Variants in CDIN1 observed in about 807,000 individuals in gnomAD.
CDIN1 encodes the protein CDAN1-interacting nuclease 1.
Under a neutral mutation model 45.3 loss-of-function variants are expected in CDIN1, and 33 were observed. The observed-to-expected ratio is 0.73, with a 90% CI of 0.55 to 0.97. The LOEUF is 0.97. Ranked by LOEUF, CDIN1 falls within the 50% of genes least tolerant of loss-of-function variation. The pLI is 0.00. For synonymous variants in CDIN1, 118 were observed against 124.4 expected (o/e 0.95, Z 0.34); for missense variants, 303 against 339.4 (o/e 0.89, Z 0.84).
chr15:36,760,484 A>T (rs1236891525), intron 10 of CDIN1, among the ~76,000 whole-genome samples: 1 of 152,242 alleles, frequency 6.6e-6, no homozygotes, highest in African/African-American at 2.4e-5. Context: ...TAGCTTGCAC[A>T]TATGCGTTTG....
intron 10 of CDIN1, among the ~76,000 whole-genome samples, chr15:36,805,087 G>A (rs552137699): frequency 8.6e-5 from 13 of 151,968 alleles, no homozygotes; most frequent in African/African-American, 1.7e-4. Context: ...TTTTTTCAAG[G>A]CGTATTTGTT....
chr15:36,733,601 G>C (rs907639441), intron 10 of CDIN1, among the ~76,000 whole-genome samples: 3 of 151,946 alleles, frequency 2.0e-5, no homozygotes, highest in African/African-American at 7.3e-5. Context: ...CATTTAGTTT[G>C]AAGGAGTTCT....
intron 10 of CDIN1, among the ~76,000 whole-genome samples, chr15:36,715,796 T>C (rs1482453711): frequency 6.6e-6 from 1 of 152,194 alleles, no homozygotes; most frequent in Non-Finnish European, 1.5e-5. Context: ...CTTGACACTG[T>C]TGCTAGCTGG....
At chr15:36,658,003 T>C in intron 5 of CDIN1, 98 bp downstream of exon 5, 1 of 977,422 alleles carries the variant, frequency 1.0e-6, no homozygotes, top group Non-Finnish European at 1.6e-6. Context: ...AGAGCCAGAT[T>C]CCAAAACAGC....
intron 10 of CDIN1, among the ~76,000 whole-genome samples, chr15:36,732,681 C>A (rs2043874129): frequency 6.6e-6 from 1 of 151,888 alleles, no homozygotes; most frequent in Admixed American, 6.6e-5. Context: ...AGATGGATAT[C>A]TGAGGTGAGG....
At chr15:36,625,614 T>C (rs2039390959) in intron 1 of CDIN1, among the ~76,000 whole-genome samples, 2 of 152,232 alleles carry the variant, frequency 1.3e-5, no homozygotes, top group Non-Finnish European at 2.9e-5. Flanking sequence ...GCTAACCTGA[T>C]GCAGCCACAA....
chr15:36,733,830 G>C (rs2043918312), intron 10 of CDIN1, among the ~76,000 whole-genome samples: 1 of 152,150 alleles, frequency 6.6e-6, no homozygotes, highest in African/African-American at 2.4e-5. Context: ...AGGCATTCAA[G>C]CGTGGTTTCA....
At position 36,809,716 on chromosome 15, in the gene CDIN1, T is replaced by G. The variant is rs772816165; in HGVS notation, c.*1263T>G. ...ATATGGGAAATACTAATAACAACAA[T>G]GTAATTTTTGCAGACAGCTTTAACT... is the stretch of plus-strand genomic sequence containing the variant. On this transcript the variant is annotated 3_prime_UTR_variant, in exon 11 of 11. Transcript: ENST00000566621. 4 of 152,192 alleles carry G rather than the reference T, an allele frequency of 2.6e-5. No homozygotes were observed. The highest frequency in any genetic ancestry group is 5.9e-5 in the Non-Finnish European group (4 of 68,038). 9.4% of individuals were successfully genotyped at this position (152,192 alleles called of 1,614,324 possible).
At position 36,621,872 on chromosome 15, in the gene CDIN1, G is replaced by GTTTTTTTTTT. The variant is rs553981750; in HGVS notation, c.102-22402_102-22393dup. Among the ~76,000 whole-genome samples the GTTTTTTTTTT allele has an allele frequency of 5.8e-4, 83 of 142,356 alleles. 1 individual carries two copies. The highest frequency in any genetic ancestry group is 6.9e-4 in the Non-Finnish European group (45 of 65,402). 93.4% of individuals were successfully genotyped at this position (142,356 alleles called of 152,430 possible). A position where few individuals can be genotyped will look rare whatever the true frequency, so the allele number is the denominator to read the frequency against. Reference sequence around the variant, plus strand: ...GTTGTTTGACCTGACAACAAGTTCAGTTTTTTTTTTTTTCCTCCAAGGGCT... The same window carrying GTTTTTTTTTT: ...GTTGTTTGACCTGACAACAAGTTCAGTTTTTTTTTTTTTTTTTTTTTTTCCTCCAAGGGCT... On this transcript the variant is annotated intron_variant, in intron 1 of 10. Coordinates refer to ENST00000566621, the MANE Select transcript of CDIN1 (RefSeq NM_001321759.2).
intron 1 of CDIN1, among the ~76,000 whole-genome samples, chr15:36,636,922 C>T (rs1256562061): frequency 6.6e-6 from 1 of 152,134 alleles, no homozygotes; most frequent in African/African-American, 2.4e-5. Flanking sequence ...AGTGAATAAA[C>T]ATTGAATCAA....
chr15:36,681,355 C>G (rs945423340), intron 5 of CDIN1, among the ~76,000 whole-genome samples: 20 of 151,856 alleles, frequency 1.3e-4, no homozygotes, highest in African/African-American at 4.4e-4. Context: ...TAGGGTGACT[C>G]TAAGGAAAGC....
intron 1 of CDIN1, among the ~76,000 whole-genome samples, chr15:36,632,301 G>C (rs924525690): frequency 3.2e-4 from 49 of 152,110 alleles, no homozygotes; most frequent in South Asian, 1.0e-3. Context: ...CCCCTCTGAA[G>C]CACAGAGAGG....
At chr15:36,765,835 A>T (rs1463184441) in intron 10 of CDIN1, among the ~76,000 whole-genome samples, 1 of 152,190 alleles carries the variant, frequency 6.6e-6, no homozygotes, top group African/African-American at 2.4e-5. Context: ...TGATAGACAT[A>T]CACACTACTC....
chr15:36,644,363 A>T, intron 2 of CDIN1, 40 bp downstream of exon 2: 1 of 1,578,704 alleles, frequency 6.3e-7, no homozygotes, highest in Non-Finnish European at 8.7e-7. Flanking sequence ...ACAGGTGCCT[A>T]ATTGAATGAT....
At chr15:36,791,681 A>G (rs12899256) in intron 10 of CDIN1, among the ~76,000 whole-genome samples, 130,633 of 152,002 alleles carry the variant, frequency 0.86, 59,680 homozygotes, top group Non-Finnish European at 1. Context: ...GGACTCAACC[A>G]GTTCTCATAG....
chr15:36,626,943 GC>G, intron 1 of CDIN1: 1 of 194,408 alleles, frequency 5.1e-6, no homozygotes, highest in Admixed American at 5.8e-5. Context: ...AGGTTCACAG[GC>G]TTGATGACCT....
intron 5 of CDIN1, among the ~76,000 whole-genome samples, chr15:36,679,924 C>T (rs1421968443): frequency 6.6e-6 from 1 of 152,148 alleles, no homozygotes; most frequent in Non-Finnish European, 1.5e-5. Context: ...CAAATTGTCT[C>T]CACTGAGCCA....
chr15:36,586,887 A>C (rs116501754), intron 1 of CDIN1, among the ~76,000 whole-genome samples: 3,726 of 152,354 alleles, frequency 0.024, 49 homozygotes, highest in South Asian at 0.046. Context: ...GAATCATAGA[A>C]TGTTAGAAGC....
intron 10 of CDIN1, among the ~76,000 whole-genome samples, chr15:36,726,391 C>T (rs565250953): frequency 4.6e-5 from 7 of 152,240 alleles, no homozygotes; most frequent in Admixed American, 1.3e-4. Context: ...AGATGGTGTG[C>T]TATGAGAACT....
Sources: allele counts gnomAD v4.1 joint callset (sites outside exome capture counted in the v4.1 genomes callset), GRCh38; gene constraint gnomAD v4.1.1; transcripts MANE v1.5; gene names NCBI Gene and HGNC (gene_info 2026-07-23, HGNC 2026-07-21).